RNF220: variants seen among roughly 807,000 people sequenced by gnomAD.
RNF220 encodes the protein E3 ubiquitin-protein ligase RNF220.
In RNF220, 7 loss-of-function variants were observed where a neutral mutation model predicts 67.1. The ratio of observed to expected loss-of-function variants is 0.10; its 90% CI spans 0.06 to 0.20. The LOEUF is 0.20. Among genes scored for constraint, RNF220 ranks in the 10% least tolerant of loss-of-function variants. The pLI, the probability that RNF220 is intolerant of heterozygous loss-of-function variation, is 1.00. For missense variants in RNF220, 565 were observed against 740.3 expected (o/e 0.76, Z 2.75); for synonymous variants, 270 against 283.2 (o/e 0.95, Z 0.47).
At chr1:44,430,825 G>A (rs1294023780) in intron 2 of RNF220, among the ~76,000 whole-genome samples, 5 of 152,184 alleles carry the variant, frequency 3.3e-5, no homozygotes, top group African/African-American at 7.2e-5. Flanking sequence ...GATTACAGGC[G>A]TGAGCCACCA....
chr1:44,505,887 G>A (rs1370437237), intron 2 of RNF220, among the ~76,000 whole-genome samples: 1 of 151,270 alleles, frequency 6.6e-6, no homozygotes, highest in South Asian at 2.1e-4. Context: ...AATCCTCTCC[G>A]CTCCCCTCCC....
intron 2 of RNF220, among the ~76,000 whole-genome samples, chr1:44,486,770 T>TCCA (rs1483731192): frequency 6.6e-6 from 1 of 152,096 alleles, no homozygotes. Context: ...AAATCTTAGC[T>TCCA]CCACCACCAC....
chr1:44,542,342 G>A (rs1661737948), intron 2 of RNF220, among the ~76,000 whole-genome samples: 1 of 152,212 alleles, frequency 6.6e-6, no homozygotes, highest in Non-Finnish European at 1.5e-5. Context: ...TGGCCTCACT[G>A]AGGACAGTCA....
chr1:44,586,072 T>C (rs977088429), intron 2 of RNF220, among the ~76,000 whole-genome samples: 2 of 152,228 alleles, frequency 1.3e-5, no homozygotes, highest in African/African-American at 4.8e-5. Flanking sequence ...GGAAAACATT[T>C]GTTTAATGTA....
At chr1:44,416,109 A>G (rs888464213) in intron 2 of RNF220, among the ~76,000 whole-genome samples, 10 of 152,220 alleles carry the variant, frequency 6.6e-5, no homozygotes, top group African/African-American at 2.4e-4. Context: ...TGCTCTATGG[A>G]AAAACAAGCA....
At chr1:44,462,801 G>T (rs1458895612) in intron 2 of RNF220, among the ~76,000 whole-genome samples, 4 of 151,790 alleles carry the variant, frequency 2.6e-5, no homozygotes, top group Non-Finnish European at 5.9e-5. Context: ...GGCCGAGGTG[G>T]GCAGATCACA....
chr1:44,520,586 G>T (rs557737110), intron 2 of RNF220, among the ~76,000 whole-genome samples: 1 of 152,288 alleles, frequency 6.6e-6, no homozygotes, highest in Admixed American at 6.5e-5. Context: ...TGCTCAAAGA[G>T]TCCTCCCTGC....
At chr1:44,602,674 G>A (rs1006243107) in intron 2 of RNF220, among the ~76,000 whole-genome samples, 9 of 151,530 alleles carry the variant, frequency 5.9e-5, no homozygotes, top group Non-Finnish European at 7.4e-5. Flanking sequence ...CACACATACC[G>A]CTCATCTCAT....
intron 2 of RNF220, among the ~76,000 whole-genome samples, chr1:44,461,818 T>A (rs1198991465): frequency 2.0e-5 from 3 of 152,194 alleles, no homozygotes; most frequent in African/African-American, 7.2e-5. Context: ...ATTTTAGTTC[T>A]TGTTAATGGC....
Position 44,412,358 on chromosome 1 carries a change from T to C in RNF220, c.261T>C (p.Asp87=), listed in dbSNP as rs760884999. The C allele has an allele frequency of 4.3e-6, 7 of 1,614,136 alleles. No individual in the cohort carries two copies. The highest frequency in any genetic ancestry group is 1.7e-6 in the Non-Finnish European group (2 of 1,180,030). ...TGCCAGGCACTTTTGCCAATCGTGA[T>C]TTCCCCCCTTCTCTACTACACCTCC... is the stretch of plus-strand genomic sequence containing the variant. ...GGVPGTFANR[D]FPPSLLHLHP... The change falls in exon 2 of 15, where the codon GAT becomes GAC. Residue 87 remains aspartate, a synonymous_variant. Transcript: ENST00000361799. This position sits in a 1 kb window ranked among gnomAD's most constrained non-coding sequence, Gnocchi z 5.3.
chr1:44,431,365 C>T (rs1650350367), intron 2 of RNF220, among the ~76,000 whole-genome samples: 1 of 151,952 alleles, frequency 6.6e-6, no homozygotes, highest in South Asian at 2.1e-4. Context: ...GTGGCCTGCG[C>T]CTGTAATCCA....
chr1:44,569,932 C>T lies in RNF220; in HGVS notation c.626-44233C>T, dbSNP rs532845171. Among the ~76,000 whole-genome samples the T allele has an allele frequency of 3.9e-5, 6 of 152,254 alleles. No homozygotes were observed. In the South Asian group the frequency reaches 1.0e-3, roughly 26 times the overall value. The stretch of plus-strand genomic sequence containing the variant: ...GCCTATGATGGTGTTTGGTATTACA[C>T]TTGGCAGTGGTTCTAGGTGCTGTGA... On this transcript the variant is annotated intron_variant, in intron 2 of 14. Transcript: ENST00000361799.
At position 44,488,753 on chromosome 1, in the gene RNF220, C is replaced by T. The variant is rs1223154965; in HGVS notation, c.625+76031C>T. Among the ~76,000 whole-genome samples, 109 of 108,876 alleles carry T rather than the reference C, an allele frequency of 1.0e-3. 2 individuals are homozygous for T. The highest frequency in any genetic ancestry group is 2.1e-4 in the Non-Finnish European group (12 of 58,528). 71.4% of individuals were successfully genotyped at this position (108,876 alleles called of 152,430 possible). A position where few individuals can be genotyped will look rare whatever the true frequency, so the allele number is the denominator to read the frequency against. On this transcript the variant is annotated intron_variant, in intron 2 of 14. Transcript: ENST00000361799. ...TTTTTTTTTTTTTTTTTTTTTGAGA[C>T]GGAGTCTCACTCTGTCACCCAGGCT...
chr1:44,639,050 C>T (rs1197423520), intron 8 of RNF220, among the ~76,000 whole-genome samples: 1 of 152,230 alleles, frequency 6.6e-6, no homozygotes, highest in Non-Finnish European at 1.5e-5. Flanking sequence ...CCTAGTGCGC[C>T]ACCAACATTC....
intron 2 of RNF220, among the ~76,000 whole-genome samples, chr1:44,540,322 A>G (rs1248623529): frequency 1.3e-5 from 2 of 152,140 alleles, no homozygotes; most frequent in Non-Finnish European, 2.9e-5. Flanking sequence ...GCACAGAATA[A>G]TGGGCTTCAT....
At chr1:44,485,643 C>T (rs1001065483) in intron 2 of RNF220, among the ~76,000 whole-genome samples, 1 of 152,188 alleles carries the variant, frequency 6.6e-6, no homozygotes, top group Non-Finnish European at 1.5e-5. Context: ...CGGTGACTCT[C>T]CATGCTCTGG....
intron 2 of RNF220, among the ~76,000 whole-genome samples, chr1:44,559,532 G>A (rs551940940): frequency 2.0e-5 from 3 of 152,380 alleles, no homozygotes; most frequent in East Asian, 1.9e-4. Flanking sequence ...AAGGGAGGGC[G>A]GCGGCACCGC....
At chr1:44,636,387 C>G in intron 8 of RNF220, 1 of 738,028 alleles carries the variant, frequency 1.4e-6, no homozygotes, top group African/African-American at 1.7e-5. Context: ...AGGCTGCAAG[C>G]TAGGAGTGAC....
At chr1:44,646,067 G>A (rs889134087) in intron 12 of RNF220, among the ~76,000 whole-genome samples, 1 of 152,188 alleles carries the variant, frequency 6.6e-6, no homozygotes, top group Admixed American at 6.5e-5. Context: ...AGAAGCCCAA[G>A]GAAGGCCAGT....
Sources: gnomAD v4.1 joint callset for allele counts (sites outside exome capture counted in the v4.1 genomes callset) on GRCh38, gnomAD v4.1.1 for gene constraint, Gnocchi (gnomAD v3.1) non-coding constraint, MANE v1.5 for transcripts, NCBI Gene and HGNC (gene_info 2026-07-23, HGNC 2026-07-21) for gene names.